Variants in HADHA observed in about 807,000 individuals in gnomAD.
HADHA encodes the protein trifunctional enzyme subunit alpha, mitochondrial.
Under a neutral mutation model 91.3 loss-of-function variants are expected in HADHA, and 59 were observed. The ratio of observed to expected loss-of-function variants is 0.65; its 90% CI spans 0.52 to 0.80. HADHA has a LOEUF of 0.80. Among genes scored for constraint, HADHA ranks in the 30% least tolerant of loss-of-function variants. The pLI, the probability that HADHA is intolerant of heterozygous loss-of-function variation, is 0.00. For missense variants in HADHA, 800 were observed against 927.6 expected (o/e 0.86, Z 1.79); for synonymous variants, 320 against 338.9 (o/e 0.94, Z 0.61).
intron 11 of HADHA, among the ~76,000 whole-genome samples, chr2:26,209,182 G>A (rs1545057): frequency 0.78 from 119,022 of 152,086 alleles, 46,581 homozygotes; most frequent in East Asian, 0.85. Flanking sequence ...AATGTTCCCA[G>A]GCATTGTCAA....
At chr2:26,241,072 G>T (rs1379999334) in intron 1 of HADHA, among the ~76,000 whole-genome samples, 2 of 152,180 alleles carry the variant, frequency 1.3e-5, no homozygotes, top group Non-Finnish European at 2.9e-5. Context: ...GCAGCTGAGT[G>T]AACTTTAGCC....
chr2:26,210,001 C>G lies in HADHA; in HGVS notation c.976-112G>C. The G allele has an allele frequency of 1.3e-6, 1 of 750,392 alleles. No individual in the cohort carries two copies. The highest frequency in any genetic ancestry group is 2.5e-5 in the East Asian group (1 of 40,190). The allele number at this position is 750,392 out of a possible 1,614,324, so 46.5% of individuals were successfully genotyped here. On this transcript the variant is annotated intron_variant, in intron 10 of 19. Transcript: ENST00000380649. The surrounding 1 kb of genome is among the most constrained non-coding windows in gnomAD (Gnocchi z 4.0). Reference sequence around the variant, plus strand: ...GAGGTAATGCATGTGAAGCCTGAGTCCCTGGGGATGCGGGGGAGTTTGGGG... The same window carrying G: ...GAGGTAATGCATGTGAAGCCTGAGTGCCTGGGGATGCGGGGGAGTTTGGGG...
At chr2:26,226,482 T>C (rs970550399) in intron 7 of HADHA, among the ~76,000 whole-genome samples, 2 of 152,132 alleles carry the variant, frequency 1.3e-5, no homozygotes, top group African/African-American at 2.4e-5. Context: ...AAAAGACATA[T>C]AGATAACTAG....
At position 26,197,380 on chromosome 2, in the gene HADHA, C is replaced by G. The variant is rs551828884; in HGVS notation, c.1479+311G>C. 2.0e-4 allele frequency among the ~76,000 whole-genome samples: 30 copies of G among 152,338 alleles called. 1 individual carries two copies. In the South Asian group the frequency reaches 5.8e-3, roughly 29 times the overall value. On this transcript the variant is annotated intron_variant, in intron 14 of 19. Coordinates refer to ENST00000380649, the MANE Select transcript of HADHA (RefSeq NM_000182.5). ...TCACTGACTCTGCTCTGTAGCCAAACTGGTATTTTGGAGCATCCTTTCTTA... is the reference window on the plus strand; with the variant it reads ...TCACTGACTCTGCTCTGTAGCCAAAGTGGTATTTTGGAGCATCCTTTCTTA...
intron 7 of HADHA, among the ~76,000 whole-genome samples, chr2:26,227,419 G>A (rs1670511290): frequency 6.6e-6 from 1 of 151,984 alleles, no homozygotes; most frequent in Non-Finnish European, 1.5e-5. Flanking sequence ...CGCTGAGGCA[G>A]GAGAATCGCT....
intron 18 of HADHA, 87 bp downstream of exon 18, chr2:26,192,223 A>C: frequency 1.3e-6 from 1 of 750,630 alleles, no homozygotes; most frequent in Admixed American, 2.0e-5. Flanking sequence ...AAGTATTAAA[A>C]AAAAAAAAAA....
In HADHA at chr2:26,215,082, G is replaced by A; in HGVS notation, c.770C>T (p.Ser257Phe). Residue 257 changes from serine to phenylalanine, a missense_variant, in exon 8 of 20, where the codon TCT becomes TTT. By Grantham distance (155) the Ser-to-Phe change is radical (BLOSUM62 -2). Transcript: ENST00000380649. ...FAKGLADKKISPKRDKGLVEK... is the reference protein window; with the variant it reads ...FAKGLADKKIFPKRDKGLVEK... The stretch of plus-strand genomic sequence containing the variant: ...CACCAATCCCTTGTCTCTCTTTGGA[G>A]AGATCTTCTTATCAGCTAGTCCTTT... 1 of 1,609,714 alleles carries A rather than the reference G, an allele frequency of 6.2e-7. No individual in the cohort carries two copies. The highest frequency in any genetic ancestry group is 8.5e-7 in the Non-Finnish European group (1 of 1,176,048).
intron 5 of HADHA, among the ~76,000 whole-genome samples, chr2:26,233,130 C>T (rs1432125845): frequency 6.6e-6 from 1 of 152,126 alleles, no homozygotes; most frequent in African/African-American, 2.4e-5. Context: ...TGACAGGAGG[C>T]GGAACTCAGG....
At chr2:26,191,708 CG>C (rs1558313635) in intron 18 of HADHA, 80 bp from the exon 19 acceptor site, 2 of 1,444,406 alleles carry the variant, frequency 1.4e-6, no homozygotes, top group African/African-American at 1.4e-5. Flanking sequence ...GAATGGAAGT[CG>C]GGATGGGTGC....
At chr2:26,213,260 T>C (rs113806988) in intron 9 of HADHA, among the ~76,000 whole-genome samples, 1 of 152,340 alleles carries the variant, frequency 6.6e-6, no homozygotes, top group African/African-American at 2.4e-5. Flanking sequence ...ATTTTTACTA[T>C]TCTATCTCAG....
At chr2:26,218,074 G>A (rs2082613) in intron 7 of HADHA, among the ~76,000 whole-genome samples, 118,811 of 152,074 alleles carry the variant, frequency 0.78, 46,418 homozygotes, top group East Asian at 0.85. Context: ...GGGAGTCCGC[G>A]GTGGGCAGAT....
At chr2:26,239,072 G>A (rs777797253) in intron 2 of HADHA, 30 bp downstream of exon 2, 10 of 1,577,434 alleles carry the variant, frequency 6.3e-6, no homozygotes, top group Non-Finnish European at 8.7e-6. Flanking sequence ...AGCAATGTAA[G>A]CATACACATT....
chr2:26,210,670 A>T lies in HADHA; in HGVS notation c.976-781T>A, dbSNP rs1046260305. 1 of 152,254 alleles carries T rather than the reference A, an allele frequency of 6.6e-6. No homozygotes were observed. Among genetic ancestry groups the T allele is most frequent in the African/African-American group, 2.4e-5 (1 of 41,448 alleles). The allele number at this position is 152,254 out of a possible 1,614,324, so 9.4% of individuals were successfully genotyped here. On this transcript the variant is annotated intron_variant, in intron 10 of 19. Coordinates refer to ENST00000380649, the MANE Select transcript of HADHA (RefSeq NM_000182.5). This position sits in a 1 kb window ranked among gnomAD's most constrained non-coding sequence, Gnocchi z 4.0. Reference sequence around the variant, plus strand: ...CGAACTCCGGTTCTTTTTCCACTGTAGCAGGCTGCCCACGTGGGACTTACC... The same window carrying T: ...CGAACTCCGGTTCTTTTTCCACTGTTGCAGGCTGCCCACGTGGGACTTACC...
At chr2:26,220,313 T>G (rs771594284) in intron 7 of HADHA, among the ~76,000 whole-genome samples, 6 of 152,198 alleles carry the variant, frequency 3.9e-5, no homozygotes, top group Admixed American at 6.5e-5. Flanking sequence ...TATCACTATA[T>G]GCTCTGACTT....
In HADHA at chr2:26,204,032, A is replaced by T. The variant is rs752570147; in HGVS notation, c.1220+30T>A. 7 of 1,609,834 alleles carry T rather than the reference A, an allele frequency of 4.3e-6. No homozygotes were observed. In the East Asian group the frequency reaches 1.6e-4, roughly 36 times the overall value. ...CTAACCAAGAAACAAAGGACATTCTAACTCTTGCAAAGAGAGAGAGCAGGC... is the reference window on the plus strand; with the variant it reads ...CTAACCAAGAAACAAAGGACATTCTTACTCTTGCAAAGAGAGAGAGCAGGC... On this transcript the variant is annotated intron_variant, in intron 12 of 19. Transcript: ENST00000380649.
intron 7 of HADHA, among the ~76,000 whole-genome samples, chr2:26,220,649 G>A (rs1162546102): frequency 6.6e-6 from 1 of 152,184 alleles, no homozygotes; most frequent in Non-Finnish European, 1.5e-5. Context: ...CCTTGGACCT[G>A]GTATGCAGTG....
chr2:26,243,635 T>C (rs1200066720), intron 1 of HADHA, among the ~76,000 whole-genome samples: 5 of 152,084 alleles, frequency 3.3e-5, no homozygotes, highest in Non-Finnish European at 7.4e-5. Context: ...GGAAGAGAGG[T>C]AATTCATATT....
chr2:26,214,493 CT>C lies in HADHA; in HGVS notation c.867del (p.Val290CysfsTer13). Reference sequence around the variant, plus strand: ...TAAAGGCCTTTAGTCTGCTTTCGCACTTTTTCTTCCACTTTTTTGTAAACCT... The same window carrying C: ...TAAAGGCCTTTAGTCTGCTTTCGCACTTTTCTTCCACTTTTTTGTAAACCT... ...RQQVYKKVEEKVRKQTKGLYP... is the reference protein window; with the variant it reads ...RQQVYKKVEEXVRKQTKGLYP... On this transcript the variant is annotated frameshift_variant, in exon 9 of 20. Coordinates refer to ENST00000380649, the MANE Select transcript of HADHA (RefSeq NM_000182.5). LOFTEE classifies it high-confidence loss of function. The surrounding 1 kb of genome is among the most constrained non-coding windows in gnomAD (Gnocchi z 4.1). 6.2e-7 allele frequency: 1 copy of C among 1,608,182 alleles called. No individual in the cohort carries two copies. The highest frequency in any genetic ancestry group is 8.5e-7 in the Non-Finnish European group (1 of 1,175,660).
chr2:26,236,891 G>C lies in HADHA; in HGVS notation c.278C>G (p.Ser93Ter). 6.2e-7 allele frequency: 1 copy of C among 1,611,908 alleles called. No individual in the cohort carries two copies. Among genetic ancestry groups the C allele is most frequent in the Non-Finnish European group, 8.5e-7 (1 of 1,178,456 alleles). The change falls in exon 4 of 20, where the codon TCA (serine) becomes TGA (stop). Residue 93 changes from serine (S) to a stop codon, truncating the protein, a stop_gained. Transcript: ENST00000380649. LOFTEE classifies it high-confidence loss of function. Reference sequence around the variant, plus strand: ...ACCTGCAATAAAGCAGCCTGGCTTTGATGAGATAAGGACGGCACTTCTGAT... The same window carrying C: ...ACCTGCAATAAAGCAGCCTGGCTTTCATGAGATAAGGACGGCACTTCTGAT... ...DQIRSAVLIS[S>*]KPGCFIAGAD...
Sources: gnomAD v4.1 joint callset for allele counts (sites outside exome capture counted in the v4.1 genomes callset) on GRCh38, gnomAD v4.1.1 for gene constraint, Gnocchi (gnomAD v3.1) non-coding constraint, MANE v1.5 for transcripts, NCBI Gene and HGNC (gene_info 2026-07-23, HGNC 2026-07-21) for gene names.